PCDH11X: variants seen among roughly 807,000 people sequenced by gnomAD.
The protein encoded by PCDH11X is protocadherin-11 X-linked.
A neutral mutation model predicts 53.3 loss-of-function variants in PCDH11X; 18 were observed. The ratio of observed to expected loss-of-function variants is 0.34; its 90% confidence interval spans 0.23 to 0.50. The LOEUF (loss-of-function observed/expected upper bound fraction) is 0.50, where lower values mean the gene tolerates loss of function less well. Among genes scored for constraint, PCDH11X ranks in the 20% least tolerant of loss-of-function variants. The pLI is 0.98. For missense variants in PCDH11X, 570 were observed against 1,032.4 expected, an observed-to-expected ratio of 0.55 and a Z score of 6.14; for synonymous variants, 279 against 393.3, an observed-to-expected ratio of 0.71 and a Z score of 3.44.
At chrX:92,103,773 T>C (rs2064314479) in intron 6 of PCDH11X, among the ~76,000 whole-genome samples, 1 of 112,104 alleles carries the variant, frequency 8.9e-6, no homozygotes, top group Non-Finnish European at 1.9e-5. Context: ...TCTTGTGTGC[T>C]GGAGATGTGG....
In PCDH11X at chrX:92,605,042, A is replaced by G. The variant is rs778211871; in HGVS notation, c.3368-13222A>G. On this transcript the variant is annotated intron_variant, in intron 10 of 10. Coordinates refer to ENST00000682573, the MANE Select transcript of PCDH11X (RefSeq NM_032968.5). ...ACAACTAGGCAGTAGATCAATAAAA[A>G]GAAGACTCAAACAGCACTCTAGCCC... is the stretch of plus-strand genomic sequence containing the variant. Among the ~76,000 whole-genome samples the G allele has an allele frequency of 6.8e-5, 7 of 102,749 alleles. No individual in the cohort carries two copies. In the South Asian group the frequency reaches 2.9e-3, roughly 42 times the overall value. The allele number at this position is 102,749 out of a possible 115,157, so 89.2% of individuals were successfully genotyped here.
At position 91,892,607 on chromosome X, in the gene PCDH11X, CT is replaced by C. The variant is rs780046220; in HGVS notation, c.3033+13344del. On this transcript the variant is annotated intron_variant, in intron 6 of 10. Coordinates refer to ENST00000682573, the MANE Select transcript of PCDH11X (RefSeq NM_032968.5). The stretch of plus-strand genomic sequence containing the variant: ...CAATTTACCAGAATTATTTTGAGGA[CT>C]TTTTTTTTTGTTAAGACACCGCTGC... 1.2e-3 allele frequency among the ~76,000 whole-genome samples: 125 copies of C among 106,479 alleles called. 3 individuals are homozygous for C. The South Asian group carries it at 0.05, about 42-fold the overall frequency. 92.5% of individuals were successfully genotyped at this position (106,479 alleles called of 115,157 possible). A position where few individuals can be genotyped will look rare whatever the true frequency, so the allele number is the denominator to read the frequency against.
intron 4 of PCDH11X, among the ~76,000 whole-genome samples, chrX:91,818,272 G>A (rs751543924): frequency 1.3e-4 from 14 of 110,734 alleles, no homozygotes; most frequent in South Asian, 7.5e-4. Flanking sequence ...TTCTTTTTTC[G>A]TAATCTCTTT....
rs1311382783 is a variant in PCDH11X, at chrX:91,847,898, C to G, written c.540+11854C>G. On this transcript the variant is annotated intron_variant, in intron 5 of 10. Coordinates refer to ENST00000682573, the MANE Select transcript of PCDH11X (RefSeq NM_032968.5). ...CTTTTGGACATAAGATTTCTATTTC[C>G]TTTGATATTATTCAAATAGGTGAAG... Among the ~76,000 whole-genome samples the G allele has an allele frequency of 9.8e-5, 11 of 112,000 alleles. No homozygotes were observed. In the Admixed American group the frequency reaches 1.0e-3, roughly 11 times the overall value.
intron 4 of PCDH11X, among the ~76,000 whole-genome samples, chrX:91,812,639 T>C (rs1037323485): frequency 2.7e-5 from 3 of 111,590 alleles, no homozygotes; most frequent in African/African-American, 9.8e-5. Flanking sequence ...TCATAACAGC[T>C]TGTTGCTCAG....
intron 1 of PCDH11X, among the ~76,000 whole-genome samples, chrX:91,801,054 G>T (rs1446357465): frequency 9.5e-6 from 1 of 105,533 alleles, no homozygotes; most frequent in Non-Finnish European, 1.9e-5. Flanking sequence ...GTGGCATGCG[G>T]CTGTAGACCA....
intron 6 of PCDH11X, among the ~76,000 whole-genome samples, chrX:91,907,412 CAGAGAG>C (rs59848282): frequency 1.0e-4 from 6 of 57,497 alleles, no homozygotes; most frequent in African/African-American, 4.5e-4. Flanking sequence ...CACACACACA[CAGAGAG>C]AGAGAGAGAG....
chrX:91,967,365 A>T (rs1355001530), intron 6 of PCDH11X, among the ~76,000 whole-genome samples: 1 of 110,896 alleles, frequency 9.0e-6, no homozygotes, highest in Non-Finnish European at 1.9e-5. Context: ...TTACCGCCTG[A>T]ACTTCACCTC....
At chrX:92,240,661 A>G (rs1244579732) in intron 7 of PCDH11X, among the ~76,000 whole-genome samples, 5 of 111,788 alleles carry the variant, frequency 4.5e-5, no homozygotes, top group Non-Finnish European at 3.8e-5. Flanking sequence ...GACATATGAT[A>G]AAATTTATCT....
intron 6 of PCDH11X, among the ~76,000 whole-genome samples, chrX:92,054,955 T>G (rs2063427434): frequency 1.1e-5 from 1 of 92,016 alleles, no homozygotes; most frequent in South Asian, 5.8e-4. Flanking sequence ...AAAGAAGTTA[T>G]AAAACTATAA....
chrX:92,073,818 T>A (rs2063737820), intron 6 of PCDH11X, among the ~76,000 whole-genome samples: 1 of 111,480 alleles, frequency 9.0e-6, no homozygotes, highest in African/African-American at 3.3e-5. Flanking sequence ...AGAAAAATAG[T>A]TAAATGACTA....
intron 10 of PCDH11X, among the ~76,000 whole-genome samples, chrX:92,582,174 C>G (rs1164717252): frequency 2.3e-5 from 2 of 88,612 alleles, no homozygotes; most frequent in East Asian, 6.2e-4. Context: ...CTTCAGAAAT[C>G]TGCATAAGTA....
At chrX:92,299,798 T>G (rs1294243787) in intron 8 of PCDH11X, among the ~76,000 whole-genome samples, 1 of 111,241 alleles carries the variant, frequency 9.0e-6, no homozygotes, top group Non-Finnish European at 1.9e-5. Flanking sequence ...TTTTAGCATC[T>G]CAATTTCTTT....
chrX:92,615,416 G>A (rs756723254), intron 10 of PCDH11X, among the ~76,000 whole-genome samples: 8 of 111,637 alleles, frequency 7.2e-5, no homozygotes, highest in Non-Finnish European at 1.5e-4. Context: ...AATGGCATAC[G>A]CAAGTCAGTT....
At chrX:92,055,735 T>C (rs954172804) in intron 6 of PCDH11X, among the ~76,000 whole-genome samples, 10 of 110,554 alleles carry the variant, frequency 9.0e-5, no homozygotes, top group African/African-American at 3.0e-4. Context: ...GGCCCCAGTG[T>C]GTGCTGTCCC....
intron 8 of PCDH11X, among the ~76,000 whole-genome samples, chrX:92,295,879 A>G (rs2068597438): frequency 9.2e-6 from 1 of 108,989 alleles, no homozygotes; most frequent in South Asian, 4.1e-4. Context: ...CTGGAGTTCG[A>G]GACCAGTCTG....
chrX:92,256,545 CT>C (rs1202120916), intron 7 of PCDH11X, among the ~76,000 whole-genome samples: 1 of 111,518 alleles, frequency 9.0e-6, no homozygotes, highest in Non-Finnish European at 1.9e-5. Context: ...TCTTTCTTTC[CT>C]TTTTTTCCCC....
intron 6 of PCDH11X, among the ~76,000 whole-genome samples, chrX:91,939,114 T>C (rs941477928): frequency 2.7e-5 from 3 of 110,935 alleles, no homozygotes; most frequent in Non-Finnish European, 5.7e-5. Flanking sequence ...AATTGTGTTT[T>C]CTAGGTTCAA....
At chrX:92,034,401 T>A (rs1399368472) in intron 6 of PCDH11X, among the ~76,000 whole-genome samples, 1 of 109,180 alleles carries the variant, frequency 9.2e-6, no homozygotes, top group African/African-American at 3.3e-5. Context: ...TAATATTTTT[T>A]TATATATATT....
Sources: allele counts gnomAD v4.1 joint callset (sites outside exome capture counted in the v4.1 genomes callset), GRCh38; gene constraint gnomAD v4.1.1; transcripts MANE v1.5; gene names NCBI Gene and HGNC (gene_info 2026-07-23, HGNC 2026-07-21).